CLASP2: variants seen among roughly 807,000 people sequenced by gnomAD.
The protein encoded by CLASP2 is cytoplasmic linker associated protein 2.
Under a neutral mutation model 194.4 loss-of-function variants are expected in CLASP2, and 47 were observed. That is an observed-to-expected ratio of 0.24 (90% CI 0.19 to 0.31). The LOEUF is 0.31. CLASP2 is among the 10% of genes least tolerant of loss of function. CLASP2 has a pLI of 1.00. For missense variants in CLASP2, 1,445 were observed against 1,823.6 expected (o/e 0.79, Z 3.78); for synonymous variants, 619 against 633.5 (o/e 0.98, Z 0.34).
intron 29 of CLASP2, among the ~76,000 whole-genome samples, chr3:33,557,141 T>C (rs988237119): frequency 2.0e-5 from 3 of 151,544 alleles, no homozygotes; most frequent in Non-Finnish European, 4.4e-5. Context: ...CCCTGGCTAA[T>C]TTTTGTATTT....
intron 29 of CLASP2, among the ~76,000 whole-genome samples, chr3:33,554,100 C>T (rs977660274): frequency 1.3e-5 from 2 of 151,782 alleles, no homozygotes; most frequent in South Asian, 2.1e-4. Flanking sequence ...TGGTGGTGGG[C>T]GCCTGTAATC....
chr3:33,714,081 G>C (rs549346222), intron 1 of CLASP2, among the ~76,000 whole-genome samples: 9 of 152,264 alleles, frequency 5.9e-5, no homozygotes, highest in African/African-American at 2.2e-4. Flanking sequence ...GAAAATAATA[G>C]TATGCTGGTT....
chr3:33,577,408 G>A, intron 23 of CLASP2: 1 of 595,420 alleles, frequency 1.7e-6, no homozygotes, highest in Non-Finnish European at 2.9e-6. Flanking sequence ...ATAGGGCAAT[G>A]GAACATTAGC....
chr3:33,665,728 C>T (rs576957849), intron 6 of CLASP2, among the ~76,000 whole-genome samples: 4 of 152,282 alleles, frequency 2.6e-5, no homozygotes, highest in African/African-American at 4.8e-5. Flanking sequence ...TAATTTTCTA[C>T]GTGGCCCTCA....
intron 19 of CLASP2, among the ~76,000 whole-genome samples, chr3:33,595,654 C>T (rs1190128867): frequency 6.6e-6 from 1 of 151,912 alleles, no homozygotes; most frequent in African/African-American, 2.4e-5. Flanking sequence ...AGTAACACAT[C>T]ATATAACAGT....
intron 36 of CLASP2, among the ~76,000 whole-genome samples, chr3:33,511,696 T>C (rs1347424195): frequency 6.8e-6 from 1 of 147,062 alleles, no homozygotes; most frequent in Non-Finnish European, 1.5e-5. Context: ...AAAGATAGTC[T>C]TAAGAACACG....
At position 33,619,500 on chromosome 3, in the gene CLASP2, TGA is replaced by T. The variant is rs1490642140; in HGVS notation, c.1317+101_1317+102del. On this transcript the variant is annotated intron_variant, in intron 12 of 38. Coordinates refer to ENST00000682230, the MANE Select transcript of CLASP2 (RefSeq NM_001365631.1). ...CAAAAAGAAACTCCATGACTTACAT[TGA>T]GAGAGAGGGGTGGGGTGGGGAAAGG... 6 of 985,070 alleles carry T rather than the reference TGA, an allele frequency of 6.1e-6. No individual in the cohort carries two copies. In the South Asian group the frequency reaches 6.2e-5, roughly 10 times the overall value. 61.0% of individuals were successfully genotyped at this position (985,070 alleles called of 1,614,324 possible). A position where few individuals can be genotyped will look rare whatever the true frequency, so the allele number is the denominator to read the frequency against.
intron 36 of CLASP2, 122 bp from the exon 37 acceptor site, chr3:33,510,886 T>G: frequency 1.2e-6 from 1 of 867,008 alleles, no homozygotes; most frequent in Non-Finnish European, 1.7e-6. Context: ...AATGCTACAG[T>G]AAACAAACAT....
At chr3:33,673,682 T>G (rs2087869068) in intron 6 of CLASP2, among the ~76,000 whole-genome samples, 1 of 152,220 alleles carries the variant, frequency 6.6e-6, no homozygotes, top group African/African-American at 2.4e-5. Context: ...ATCAGTGTGC[T>G]GTATTCAGGA....
At position 33,588,600 on chromosome 3, in the gene CLASP2, T is replaced by C. The variant is rs555802303; in HGVS notation, c.2069-3680A>G. The C allele has an allele frequency of 2.4e-5, 15 of 629,770 alleles. No homozygotes were observed. The East Asian group carries it at 3.9e-4, about 17-fold the overall frequency. The allele number at this position is 629,770 out of a possible 1,614,324, so 39.0% of individuals were successfully genotyped here. A position where few individuals can be genotyped will look rare whatever the true frequency, so the allele number is the denominator to read the frequency against. On this transcript the variant is annotated intron_variant, in intron 21 of 38. Transcript: ENST00000682230. ...ATTTCTGCCCCAGTATGACTACAAATGATAGACTATGACGTTAAGAATTTC... is the reference window on the plus strand; with the variant it reads ...ATTTCTGCCCCAGTATGACTACAAACGATAGACTATGACGTTAAGAATTTC...
chr3:33,608,198 A>G (rs1043484140), intron 14 of CLASP2, among the ~76,000 whole-genome samples: 1 of 152,158 alleles, frequency 6.6e-6, no homozygotes, highest in African/African-American at 2.4e-5. Flanking sequence ...CTTCTTAAAA[A>G]TCTCTTTCCT....
At chr3:33,567,588 T>C (rs967405299) in intron 26 of CLASP2, among the ~76,000 whole-genome samples, 3 of 152,214 alleles carry the variant, frequency 2.0e-5, no homozygotes, top group African/African-American at 7.2e-5. Context: ...AATAAAAATC[T>C]GCTGCAAACT....
intron 9 of CLASP2, among the ~76,000 whole-genome samples, chr3:33,628,622 A>G (rs113632025): frequency 1.2e-3 from 178 of 152,274 alleles, no homozygotes; most frequent in African/African-American, 4.2e-3. Context: ...TTCAAACAGG[A>G]TAAGTTTGAG....
In CLASP2 at chr3:33,606,726, C is replaced by T. The variant is rs1325661085; in HGVS notation, c.1559G>A (p.Gly520Asp). The change falls in exon 16 of 39, where the codon GGT (glycine) becomes GAT (aspartate). Residue 520 changes from glycine to aspartate, a missense_variant. By Grantham distance (94) the Gly-to-Asp change is moderately conservative (BLOSUM62 -1). Transcript: ENST00000682230. ...GGAATTATATAATGTTTCAGCTTCA[C>T]CAGGAAAGTGGTTTCTAAGACCCAT... Reference protein sequence around the residue: ...TYMGLRNHFPGEAETLYNSLE... With the variant: ...TYMGLRNHFPDEAETLYNSLE... 1 of 1,612,444 alleles carries T rather than the reference C, an allele frequency of 6.2e-7. No homozygotes were observed. Among genetic ancestry groups the T allele is most frequent in the Non-Finnish European group, 8.5e-7 (1 of 1,179,194 alleles).
intron 2 of CLASP2, among the ~76,000 whole-genome samples, chr3:33,696,152 G>A (rs1324096272): frequency 6.6e-6 from 1 of 151,476 alleles, no homozygotes; most frequent in Non-Finnish European, 1.5e-5. Flanking sequence ...ATAAAAAATT[G>A]GGTCTTGTTT....
chr3:33,702,523 G>A (rs563805332), intron 1 of CLASP2, among the ~76,000 whole-genome samples: 1 of 151,894 alleles, frequency 6.6e-6, no homozygotes, highest in African/African-American at 2.4e-5. Flanking sequence ...GAAAACATAG[G>A]GTAAATCATT....
chr3:33,585,608 A>T lies in CLASP2; in HGVS notation c.2069-688T>A, dbSNP rs1197060768. On this transcript the variant is annotated intron_variant, in intron 21 of 38. Coordinates refer to ENST00000682230, the MANE Select transcript of CLASP2 (RefSeq NM_001365631.1). ...CTTTATTTCCAATGGTTTTTGGGGT[A>T]GAGGTGGTGTTTGGTGACATGAATA... Among the ~76,000 whole-genome samples the T allele has an allele frequency of 2.0e-5, 3 of 152,174 alleles. No individual in the cohort carries two copies. In the East Asian group the frequency reaches 5.8e-4, roughly 29 times the overall value.
Position 33,535,437 on chromosome 3 carries a change from C to G in CLASP2, c.3583G>C (p.Asp1195His), listed in dbSNP as rs758268206. The change falls in exon 34 of 39, where the codon GAC (aspartate) becomes CAC (histidine). Residue 1195 changes from aspartate (D) to histidine (H), a missense_variant. Asp to His is a moderately conservative substitution (Grantham distance 81). Transcript: ENST00000682230. The part of the protein sequence containing the change: ...DSMCGGPGMS[D>H]PRAGGDATDS... ...GTAGCATCACCTCCTGCTCTTGGGT[C>G]AGACATCCCAGGACCACCACACATC... 12 of 1,613,680 alleles carry G rather than the reference C, an allele frequency of 7.4e-6. No homozygotes were observed. The Middle Eastern group carries it at 6.6e-4, about 88-fold the overall frequency.
intron 2 of CLASP2, among the ~76,000 whole-genome samples, chr3:33,696,567 G>C (rs533734443): frequency 9.9e-5 from 15 of 150,950 alleles, no homozygotes; most frequent in Non-Finnish European, 2.2e-4. Context: ...CTAGGTTCAA[G>C]AGATTCTCCT....
Sources: allele counts gnomAD v4.1 joint callset (sites outside exome capture counted in the v4.1 genomes callset), GRCh38; gene constraint gnomAD v4.1.1; transcripts MANE v1.5; gene names NCBI Gene and HGNC (gene_info 2026-07-23, HGNC 2026-07-21).